The following UBE2W variants were observed in gnomAD, a reference collection of about 807,000 sequenced individuals.
UBE2W encodes ubiquitin-conjugating enzyme E2 W.
Under a neutral mutation model 27.2 loss-of-function variants are expected in UBE2W, and 18 were observed. The ratio of observed to expected loss-of-function variants is 0.66; its 90% CI spans 0.46 to 0.98. The LOEUF (loss-of-function observed/expected upper bound fraction) is 0.98, where lower values mean the gene tolerates loss of function less well. Ranked by LOEUF, UBE2W falls within the 50% of genes least tolerant of loss-of-function variation. UBE2W has a pLI of 0.00. For missense variants in UBE2W, 90 were observed against 180.2 expected, an observed-to-expected ratio of 0.50 and a Z score of 2.87; for synonymous variants, 53 against 57.2, an observed-to-expected ratio of 0.93 and a Z score of 0.33.
chr8:73,870,389 TC>T, intron 1 of UBE2W: 1 of 1,168,980 alleles, frequency 8.6e-7, no homozygotes, highest in Non-Finnish European at 1.2e-6. Context: ...GGACTAGAAA[TC>T]AGAAAAAAAA....
At chr8:73,865,212 T>C (rs945511273) in intron 1 of UBE2W, among the ~76,000 whole-genome samples, 2 of 111,706 alleles carry the variant, frequency 1.8e-5, no homozygotes, top group African/African-American at 8.6e-5. Context: ...AAAAAAGCAC[T>C]GCGAGTATCA....
chr8:73,811,047 G>A (rs762593256), intron 3 of UBE2W, among the ~76,000 whole-genome samples: 114 of 152,108 alleles, frequency 7.5e-4, no homozygotes, highest in Admixed American at 5.9e-4. Flanking sequence ...ACAGGTGGTA[G>A]GAACATTCCT....
At chr8:73,867,289 C>T (rs995526103) in intron 1 of UBE2W, among the ~76,000 whole-genome samples, 2 of 152,184 alleles carry the variant, frequency 1.3e-5, no homozygotes, top group Non-Finnish European at 2.9e-5. Context: ...GTAATCCCAG[C>T]ACTTTGGGAG....
chr8:73,851,643 A>C (rs1306288060), intron 1 of UBE2W, among the ~76,000 whole-genome samples: 2 of 152,166 alleles, frequency 1.3e-5, no homozygotes, highest in Non-Finnish European at 2.9e-5. Context: ...GTACTGGAGA[A>C]GTTAAGACTG....
chr8:73,871,636 T>C (rs1812013257), intron 1 of UBE2W, among the ~76,000 whole-genome samples: 1 of 152,190 alleles, frequency 6.6e-6, no homozygotes, highest in Non-Finnish European at 1.5e-5. Flanking sequence ...ATAAAGGCTT[T>C]CAAATGAGGA....
At position 73,878,813 on chromosome 8, in the gene UBE2W, T is replaced by C. The variant is rs773875099; in HGVS notation, c.10A>G (p.Met4Val). ...ATGCAGCAAACTCCTCTCACCTGCATTGACGCCATGATGGAACCATCCCCC... is the reference window on the plus strand; with the variant it reads ...ATGCAGCAAACTCCTCTCACCTGCACTGACGCCATGATGGAACCATCCCCC... MAS[M>V]QKRLQKELLA... The change falls in exon 1 of 6, where the codon ATG (methionine) becomes GTG (valine). Residue 4 changes from methionine to valine, a missense_variant. By Grantham distance (21) the Met-to-Val change is conservative. Coordinates refer to ENST00000602593, the MANE Select transcript of UBE2W (RefSeq NM_018299.6). 7 of 1,551,036 alleles carry C rather than the reference T, an allele frequency of 4.5e-6. No homozygotes were observed. Among genetic ancestry groups the C allele is most frequent in the Non-Finnish European group, 5.2e-6 (6 of 1,146,662 alleles).
At position 73,810,493 on chromosome 8, in the gene UBE2W, A is replaced by C. The variant is rs1809108614; in HGVS notation, c.347T>G (p.Leu116Arg). The C allele has an allele frequency of 6.2e-7, 1 of 1,611,426 alleles. No individual in the cohort carries two copies. The highest frequency in any genetic ancestry group is 8.5e-7 in the Non-Finnish European group (1 of 1,179,310). ...TCTTACCTTTTCCTTGCAGCTGGAA[A>C]GCATGCTAATAATGCTAAGACAAAC... is the stretch of plus-strand genomic sequence containing the variant. ...QSVCLSIISM[L>R]SSCKEKRRPP... Residue 116 changes from leucine to arginine, a missense_variant, in exon 4 of 6, where the codon CTT becomes CGT. Leu to Arg is a moderately radical substitution (Grantham distance 102). Transcript: ENST00000602593.
Position 73,792,828 on chromosome 8 carries a change from CAA to C in UBE2W, c.*1272_*1273del. ...ATAGAAAGTTTCATCTAGCTGTAAG[CAA>C]AGTCTTTTCAACAACAACAAAACAA... On this transcript the variant is annotated 3_prime_UTR_variant, in exon 6 of 6. Transcript: ENST00000602593. 3.0e-6 allele frequency: 3 copies of C among 985,258 alleles called. No individual in the cohort carries two copies. The highest frequency in any genetic ancestry group is 3.6e-6 in the Non-Finnish European group (3 of 829,750). The allele number at this position is 985,258 out of a possible 1,614,324, so 61.0% of individuals were successfully genotyped here. A position where few individuals can be genotyped will look rare whatever the true frequency, so the allele number is the denominator to read the frequency against.
chr8:73,830,782 A>T (rs1156309171), intron 1 of UBE2W, among the ~76,000 whole-genome samples: 1 of 152,176 alleles, frequency 6.6e-6, no homozygotes, highest in East Asian at 1.9e-4. Flanking sequence ...TACCACACTC[A>T]GCCTGCACTT....
chr8:73,835,579 C>T (rs893009427), intron 1 of UBE2W, among the ~76,000 whole-genome samples: 1 of 152,200 alleles, frequency 6.6e-6, no homozygotes, highest in African/African-American at 2.4e-5. Context: ...CCTGTCTCTA[C>T]TAAAAATACA....
intron 3 of UBE2W, among the ~76,000 whole-genome samples, chr8:73,824,765 G>A (rs1315739969): frequency 6.6e-6 from 1 of 152,232 alleles, no homozygotes; most frequent in Non-Finnish European, 1.5e-5. Context: ...TGCCATCGCT[G>A]ATCTGACAGG....
chr8:73,809,193 C>A (rs1165640751), intron 4 of UBE2W, among the ~76,000 whole-genome samples: 1 of 151,982 alleles, frequency 6.6e-6, no homozygotes, highest in Non-Finnish European at 1.5e-5. Context: ...AGTAAAAAAA[C>A]AAAACAAAAC....
In UBE2W at chr8:73,791,313, A is replaced by G; in HGVS notation, c.*2789T>C. 1.0e-6 allele frequency: 1 copy of G among 985,052 alleles called. No homozygotes were observed. The highest frequency in any genetic ancestry group is 1.2e-6 in the Non-Finnish European group (1 of 829,756). 61.0% of individuals were successfully genotyped at this position (985,052 alleles called of 1,614,324 possible). ...CATCATGTTCATGATCTAAGCATGC[A>G]TAAATAAGGAAGCAAATGTATCACT... is the stretch of plus-strand genomic sequence containing the variant. On this transcript the variant is annotated 3_prime_UTR_variant, in exon 6 of 6. Transcript: ENST00000602593.
rs115878573 is a variant in UBE2W at position 73,790,229 on chromosome 8, G to A, written c.*3873C>T. ...ATTAGAAGTGAGAAAAGGAAACTGCGGAAGACTGACACATTGGACATCAGT... is the reference window on the plus strand; with the variant it reads ...ATTAGAAGTGAGAAAAGGAAACTGCAGAAGACTGACACATTGGACATCAGT... On this transcript the variant is annotated 3_prime_UTR_variant, in exon 6 of 6. Coordinates refer to ENST00000602593, the MANE Select transcript of UBE2W (RefSeq NM_018299.6). 547 of 985,072 alleles carry A rather than the reference G, an allele frequency of 5.6e-4. 3 individuals are homozygous for A. In the African/African-American group the frequency reaches 9.1e-3, roughly 16 times the overall value. The allele number at this position is 985,072 out of a possible 1,614,324, so 61.0% of individuals were successfully genotyped here.
At chr8:73,821,616 G>A (rs543778321) in intron 3 of UBE2W, among the ~76,000 whole-genome samples, 1 of 143,296 alleles carries the variant, frequency 7.0e-6, no homozygotes, top group South Asian at 2.1e-4. Context: ...TGAGATAACT[G>A]TGCCTTCAAA....
chr8:73,847,159 ACT>A (rs914619528), intron 1 of UBE2W, among the ~76,000 whole-genome samples: 4 of 152,260 alleles, frequency 2.6e-5, no homozygotes, highest in East Asian at 1.9e-4. Flanking sequence ...ACAGAGTGAG[ACT>A]CTGTCTCAAA....
At chr8:73,873,595 G>A (rs1586556748) in intron 1 of UBE2W, among the ~76,000 whole-genome samples, 1 of 152,174 alleles carries the variant, frequency 6.6e-6, no homozygotes, top group Admixed American at 6.5e-5. Context: ...GGACAAGGGT[G>A]CAGTGAGCCA....
In UBE2W at chr8:73,794,869, A is replaced by G. The variant is rs1338331877; in HGVS notation, c.443-754T>C. On this transcript the variant is annotated intron_variant, in intron 5 of 5. Coordinates refer to ENST00000602593, the MANE Select transcript of UBE2W (RefSeq NM_018299.6). The stretch of plus-strand genomic sequence containing the variant: ...CTCTGTCTCATAAAAAAAAAAAAAA[A>G]GAAAAAAAAAAAAAGAAAATAAGCT... Among the ~76,000 whole-genome samples the G allele has an allele frequency of 2.1e-4, 31 of 147,656 alleles. No individual in the cohort carries two copies. In the South Asian group the frequency reaches 5.1e-3, roughly 24 times the overall value.
Position 73,792,834 on chromosome 8 carries a change from C to T in UBE2W, c.*1268G>A. ...AGTTTCATCTAGCTGTAAGCAAAGT[C>T]TTTTCAACAACAACAAAACAAAACC... is the stretch of plus-strand genomic sequence containing the variant. On this transcript the variant is annotated 3_prime_UTR_variant, in exon 6 of 6. Transcript: ENST00000602593. The T allele has an allele frequency of 3.0e-6, 3 of 985,178 alleles. No homozygotes were observed. The highest frequency in any genetic ancestry group is 3.6e-6 in the Non-Finnish European group (3 of 829,732). The allele number at this position is 985,178 out of a possible 1,614,324, so 61.0% of individuals were successfully genotyped here.
Sources: gnomAD v4.1 joint callset for allele counts (sites outside exome capture counted in the v4.1 genomes callset) on GRCh38, gnomAD v4.1.1 for gene constraint, MANE v1.5 for transcripts, NCBI Gene and HGNC (gene_info 2026-07-23, HGNC 2026-07-21) for gene names.